Variants in SRRM4 observed in about 807,000 individuals in gnomAD.
SRRM4 encodes the protein serine/arginine repetitive matrix protein 4.
SRRM4 carries 33 observed loss-of-function variants against 68.9 expected under a neutral mutation model. The ratio of observed to expected loss-of-function variants is 0.48; its 90% CI spans 0.36 to 0.64. The LOEUF (loss-of-function observed/expected upper bound fraction) is 0.64. Ranked by LOEUF, SRRM4 falls within the 30% of genes least tolerant of loss-of-function variation. The pLI is 0.00. For synonymous variants in SRRM4, 318 were observed against 318.8 expected, an observed-to-expected ratio of 1.00 and a Z score of 0.03; for missense variants, 817 against 827.1, an observed-to-expected ratio of 0.99 and a Z score of 0.15.
intron 1 of SRRM4, among the ~76,000 whole-genome samples, chr12:119,053,583 G>A (rs1034606911): frequency 4.6e-5 from 7 of 152,184 alleles, no homozygotes; most frequent in Non-Finnish European, 1.0e-4. Context: ...TTATCACATA[G>A]TCAATGTGAA....
At chr12:119,094,208 G>A (rs905477737) in intron 1 of SRRM4, among the ~76,000 whole-genome samples, 4 of 152,184 alleles carry the variant, frequency 2.6e-5, no homozygotes, top group Admixed American at 6.5e-5. Context: ...TCCATCGCCT[G>A]TGGAGAGGGA....
At chr12:119,002,717 T>C (rs1049848273) in intron 1 of SRRM4, among the ~76,000 whole-genome samples, 6 of 152,184 alleles carry the variant, frequency 3.9e-5, no homozygotes, top group African/African-American at 1.4e-4. Flanking sequence ...AGTTCTCGGT[T>C]ACCCTAGGTA....
chr12:119,053,238 G>A (rs1953756031), intron 1 of SRRM4, among the ~76,000 whole-genome samples: 1 of 152,096 alleles, frequency 6.6e-6, no homozygotes, highest in South Asian at 2.1e-4. Context: ...CTATTTTAAG[G>A]CCTTCCTCTA....
intron 1 of SRRM4, among the ~76,000 whole-genome samples, chr12:118,999,338 G>A (rs144484559): frequency 5.5e-4 from 83 of 152,266 alleles, no homozygotes; most frequent in African/African-American, 1.7e-3. Context: ...TCGGGACAAC[G>A]CCAGCTTTGC....
intron 1 of SRRM4, among the ~76,000 whole-genome samples, chr12:119,045,366 T>A (rs1304419025): frequency 6.6e-6 from 1 of 151,352 alleles, no homozygotes; most frequent in African/African-American, 2.4e-5. Flanking sequence ...GTATCTTTGA[T>A]GAAAACGCCT....
At chr12:118,984,390 T>C (rs990237761) in intron 1 of SRRM4, among the ~76,000 whole-genome samples, 1 of 152,188 alleles carries the variant, frequency 6.6e-6, no homozygotes, top group East Asian at 1.9e-4. Flanking sequence ...TCTGGGGACT[T>C]GGTCTCATCA....
intron 6 of SRRM4, among the ~76,000 whole-genome samples, chr12:119,122,998 A>G (rs1409645320): frequency 3.3e-5 from 5 of 152,226 alleles, no homozygotes; most frequent in Non-Finnish European, 1.5e-5. Flanking sequence ...CCAAATTAAA[A>G]GTAAATTTGG....
intron 2 of SRRM4, among the ~76,000 whole-genome samples, chr12:119,107,654 C>T (rs548052933): frequency 3.1e-4 from 47 of 152,186 alleles, no homozygotes; most frequent in Non-Finnish European, 5.3e-4. Context: ...TCTGTGGGAT[C>T]GGTGGTGATA....
chr12:119,112,951 G>A (rs760542307), intron 2 of SRRM4, among the ~76,000 whole-genome samples: 10 of 151,800 alleles, frequency 6.6e-5, no homozygotes, highest in South Asian at 2.1e-4. Flanking sequence ...AATGTAGCCC[G>A]GAATGTACAA....
chr12:119,052,060 T>C (rs1389258545), intron 1 of SRRM4, among the ~76,000 whole-genome samples: 1 of 152,214 alleles, frequency 6.6e-6, no homozygotes, highest in Non-Finnish European at 1.5e-5. Flanking sequence ...TTTATCATTT[T>C]CCTCTTTCTG....
chr12:119,018,613 C>T (rs567285146), intron 1 of SRRM4, among the ~76,000 whole-genome samples: 16 of 151,956 alleles, frequency 1.1e-4, no homozygotes, highest in African/African-American at 3.1e-4. Context: ...GCAATTATTA[C>T]AAGAAAAACA....
intron 9 of SRRM4, among the ~76,000 whole-genome samples, chr12:119,146,546 A>G (rs985587399): frequency 6.6e-6 from 1 of 151,888 alleles, no homozygotes; most frequent in Non-Finnish European, 1.5e-5. Flanking sequence ...AGATTGTACC[A>G]TTGCACTCCA....
intron 1 of SRRM4, among the ~76,000 whole-genome samples, chr12:119,075,948 TG>T (rs1472161492): frequency 6.6e-6 from 1 of 150,720 alleles, no homozygotes; most frequent in Non-Finnish European, 1.5e-5. Context: ...ATGATGATGG[TG>T]GTAATGATGA....
At chr12:119,044,771 T>A (rs1277576910) in intron 1 of SRRM4, among the ~76,000 whole-genome samples, 1 of 152,180 alleles carries the variant, frequency 6.6e-6, no homozygotes, top group Non-Finnish European at 1.5e-5. Flanking sequence ...TGATATATTA[T>A]GATTTTTACT....
At chr12:119,082,535 G>A (rs1953955297) in intron 1 of SRRM4, among the ~76,000 whole-genome samples, 1 of 152,148 alleles carries the variant, frequency 6.6e-6, no homozygotes, top group South Asian at 2.1e-4. Context: ...TCAGACTGTT[G>A]CAGTGCATAA....
At chr12:118,982,278 G>A (rs1480175040) in intron 1 of SRRM4, among the ~76,000 whole-genome samples, 1 of 152,154 alleles carries the variant, frequency 6.6e-6, no homozygotes, top group Admixed American at 6.5e-5. Context: ...CTGAGGGTGG[G>A]CGGTGCAGAT....
At chr12:119,017,245 G>A (rs1417791826) in intron 1 of SRRM4, among the ~76,000 whole-genome samples, 1 of 152,206 alleles carries the variant, frequency 6.6e-6, no homozygotes, top group Non-Finnish European at 1.5e-5. Context: ...GTGCATCGTG[G>A]TAGAAAAGTC....
At chr12:119,099,965 G>A (rs181273541) in intron 1 of SRRM4, among the ~76,000 whole-genome samples, 17 of 152,254 alleles carry the variant, frequency 1.1e-4, no homozygotes, top group Admixed American at 5.9e-4. Context: ...AAGCCCATCC[G>A]ATATTCAAAG....
chr12:119,155,644 G>T (rs950375024), intron 12 of SRRM4, among the ~76,000 whole-genome samples: 26 of 152,202 alleles, frequency 1.7e-4, no homozygotes, highest in African/African-American at 6.3e-4. Context: ...TGAGGTGGGA[G>T]GATCATTTGA....
Sources: gnomAD v4.1 joint callset for allele counts (sites outside exome capture counted in the v4.1 genomes callset) on GRCh38, gnomAD v4.1.1 for gene constraint, MANE v1.5 for transcripts, NCBI Gene and HGNC (gene_info 2026-07-23, HGNC 2026-07-21) for gene names.